Variants in SH3RF1 observed in about 807,000 individuals in gnomAD.
SH3RF1 encodes the protein E3 ubiquitin-protein ligase SH3RF1.
In SH3RF1, 32 loss-of-function variants were observed where a neutral mutation model predicts 74.0. The observed-to-expected ratio is 0.43, with a 90% CI of 0.33 to 0.58. The LOEUF (loss-of-function observed/expected upper bound fraction) is 0.58. Among genes scored for constraint, SH3RF1 ranks in the 20% least tolerant of loss-of-function variants. The probability of loss-of-function intolerance (pLI) is 0.05; values close to 1 mark genes in which losing one functional copy is unlikely to be tolerated. For missense variants in SH3RF1, 954 were observed against 1,130.9 expected, an observed-to-expected ratio of 0.84 and a Z score of 2.24; for synonymous variants, 396 against 439.6, an observed-to-expected ratio of 0.90 and a Z score of 1.24.
Position 169,094,357 on chromosome 4 carries a change from A to G in SH3RF1, c.*2162T>C, listed in dbSNP as rs1029804673. On this transcript the variant is annotated 3_prime_UTR_variant, in exon 12 of 12. Transcript: ENST00000284637. The stretch of plus-strand genomic sequence containing the variant: ...TAAATCGCAATTTTATCATTACCAT[A>G]TCACTGTGTAACAAGCCCTTGTTAC... The G allele has an allele frequency of 4.6e-5, 7 of 152,098 alleles. No homozygotes were observed. The highest frequency in any genetic ancestry group is 1.7e-4 in the African/African-American group (7 of 41,420). 9.4% of individuals were successfully genotyped at this position (152,098 alleles called of 1,614,324 possible).
At chr4:169,205,975 C>T (rs1255400087) in intron 2 of SH3RF1, among the ~76,000 whole-genome samples, 1 of 152,166 alleles carries the variant, frequency 6.6e-6, no homozygotes, top group East Asian at 1.9e-4. Flanking sequence ...TCCTTCACTG[C>T]TAACATCACA....
At chr4:169,160,801 T>C (rs1441613581) in intron 2 of SH3RF1, among the ~76,000 whole-genome samples, 2 of 152,198 alleles carry the variant, frequency 1.3e-5, no homozygotes, top group Non-Finnish European at 2.9e-5. Flanking sequence ...TGATTAAGGA[T>C]AAACGGTTAA....
chr4:169,189,646 G>A (rs1419464840), intron 2 of SH3RF1, among the ~76,000 whole-genome samples: 1 of 152,224 alleles, frequency 6.6e-6, no homozygotes, highest in Non-Finnish European at 1.5e-5. Context: ...AAAGTTGGGT[G>A]CATAGGAAAA....
At chr4:169,191,498 C>G (rs1370484022) in intron 2 of SH3RF1, among the ~76,000 whole-genome samples, 1 of 151,938 alleles carries the variant, frequency 6.6e-6, no homozygotes, top group Non-Finnish European at 1.5e-5. Context: ...CAATGCAATC[C>G]CCATCAAAAT....
chr4:169,188,360 C>T (rs1380701873), intron 2 of SH3RF1, among the ~76,000 whole-genome samples: 10 of 152,160 alleles, frequency 6.6e-5, no homozygotes, highest in Admixed American at 6.5e-4. Context: ...CTAACAACCA[C>T]ACAATCTTTA....
At chr4:169,102,456 C>T (rs1017778517) in intron 11 of SH3RF1, among the ~76,000 whole-genome samples, 8 of 151,762 alleles carry the variant, frequency 5.3e-5, no homozygotes, top group African/African-American at 1.9e-4. Flanking sequence ...CAGTTTAATT[C>T]CTACATTTAA....
At chr4:169,254,376 T>C (rs1416716823) in intron 2 of SH3RF1, among the ~76,000 whole-genome samples, 1 of 152,126 alleles carries the variant, frequency 6.6e-6, no homozygotes, top group Admixed American at 6.5e-5. Flanking sequence ...CAATACCAAA[T>C]GGGGCCAGAG....
intron 2 of SH3RF1, chr4:169,204,032 A>C (rs1730177145): frequency 6.6e-6 from 1 of 152,236 alleles, no homozygotes; most frequent in Non-Finnish European, 1.5e-5. Flanking sequence ...AAAAAATACC[A>C]GTCGTCTCTC....
chr4:169,130,913 G>A (rs1349316955), intron 5 of SH3RF1, among the ~76,000 whole-genome samples: 1 of 152,216 alleles, frequency 6.6e-6, no homozygotes, highest in Non-Finnish European at 1.5e-5. Context: ...ACAGAAGTAG[G>A]GGGATGGGTT....
intron 2 of SH3RF1, among the ~76,000 whole-genome samples, chr4:169,248,353 C>G (rs762972204): frequency 7.9e-5 from 12 of 152,122 alleles, no homozygotes; most frequent in Non-Finnish European, 1.6e-4. Flanking sequence ...ATGGATGAAG[C>G]TGAAACCATC....
chr4:169,116,358 T>C lies in SH3RF1; in HGVS notation c.2050A>G (p.Thr684Ala). ...GATGTGGGGAGTCCAGGGAGAACGG[T>C]CACTATCCGGCCACTGGGCTCAGCC... is the stretch of plus-strand genomic sequence containing the variant. Reference protein sequence around the residue: ...LEAEPSGRIVTVLPGLPTSPD... With the variant: ...LEAEPSGRIVAVLPGLPTSPD... Residue 684 changes from threonine (T) to alanine (A), a missense_variant, in exon 10 of 12, where the codon ACC becomes GCC. Transcript: ENST00000284637. 6.2e-7 allele frequency: 1 copy of C among 1,614,138 alleles called. No individual in the cohort carries two copies. The highest frequency in any genetic ancestry group is 8.5e-7 in the Non-Finnish European group (1 of 1,180,004).
intron 8 of SH3RF1, among the ~76,000 whole-genome samples, chr4:169,118,561 T>G (rs1001687586): frequency 6.6e-6 from 1 of 152,096 alleles, no homozygotes; most frequent in African/African-American, 2.4e-5. Flanking sequence ...GTTCAAGTGA[T>G]TCTCCTGTCT....
At chr4:169,223,488 C>T (rs139659041) in intron 2 of SH3RF1, among the ~76,000 whole-genome samples, 41 of 152,232 alleles carry the variant, frequency 2.7e-4, no homozygotes, top group Middle Eastern at 3.4e-3. Context: ...ATGAGGCAGG[C>T]AGGGAAGAGA....
At chr4:169,096,946 C>G (rs1005567361) in intron 11 of SH3RF1, among the ~76,000 whole-genome samples, 1 of 152,190 alleles carries the variant, frequency 6.6e-6, no homozygotes, top group African/African-American at 2.4e-5. Context: ...GGACAGCCAT[C>G]CTTGTTCCCT....
At chr4:169,179,619 G>A (rs770208802) in intron 2 of SH3RF1, among the ~76,000 whole-genome samples, 7 of 152,078 alleles carry the variant, frequency 4.6e-5, no homozygotes, top group Non-Finnish European at 8.8e-5. Context: ...GGTTATATAC[G>A]GATAACTTCA....
chr4:169,244,223 A>G (rs990185238), intron 2 of SH3RF1, among the ~76,000 whole-genome samples: 1 of 152,146 alleles, frequency 6.6e-6, no homozygotes, highest in African/African-American at 2.4e-5. Flanking sequence ...TACCCAGCAA[A>G]TCATATTTGG....
rs559251591 is a variant in SH3RF1, at chr4:169,123,378, T to A, written c.1180-1112A>T. ...CAAATTTCTAGACGCACGCTGTAAC[T>A]ATTCGATGCATTATGTTTAATTTTT... On this transcript the variant is annotated intron_variant, in intron 6 of 11. Transcript: ENST00000284637. Among the ~76,000 whole-genome samples, 9 of 152,346 alleles carry A rather than the reference T, an allele frequency of 5.9e-5. No homozygotes were observed. In the South Asian group the frequency reaches 1.9e-3, roughly 32 times the overall value.
At chr4:169,209,421 G>A (rs542549299) in intron 2 of SH3RF1, among the ~76,000 whole-genome samples, 5 of 151,964 alleles carry the variant, frequency 3.3e-5, no homozygotes, top group Admixed American at 1.3e-4. Context: ...TTAAGGTATC[G>A]TCCCCCGGGA....
chr4:169,127,841 G>A (rs973797581), intron 6 of SH3RF1, among the ~76,000 whole-genome samples: 67 of 152,284 alleles, frequency 4.4e-4, no homozygotes, highest in African/African-American at 1.5e-3. Context: ...CCAGCCTTAT[G>A]TCTTTTCCCA....
Sources: allele counts gnomAD v4.1 joint callset (sites outside exome capture counted in the v4.1 genomes callset), GRCh38; gene constraint gnomAD v4.1.1; transcripts MANE v1.5; gene names NCBI Gene and HGNC (gene_info 2026-07-23, HGNC 2026-07-21).